FZR1: variants seen among roughly 807,000 people sequenced by gnomAD.
FZR1 encodes fizzy-related protein homolog.
A neutral mutation model predicts 63.6 loss-of-function variants in FZR1; 11 were observed. The ratio of observed to expected loss-of-function variants is 0.17; its 90% CI spans 0.11 to 0.29. The LOEUF is 0.29. Ranked by LOEUF, FZR1 falls within the 10% of genes least tolerant of loss-of-function variation. The probability of loss-of-function intolerance (pLI) is 1.00; values close to 1 mark genes in which losing one functional copy is unlikely to be tolerated. For missense variants in FZR1, 440 were observed against 687.5 expected (o/e 0.64, Z 4.03); for synonymous variants, 328 against 297.9 (o/e 1.10, Z -1.04).
Position 3,526,071 on chromosome 19 carries a change from G to C in FZR1, c.196-49G>C, listed in dbSNP as rs561366315. The stretch of plus-strand genomic sequence containing the variant: ...TCCCAGCCTCCTTGCTCTAGGGCCG[G>C]GAACAAGCGGGCTCCTCGACCCCTC... On this transcript the variant is annotated intron_variant, in intron 3 of 13. Transcript: ENST00000441788. This position sits in a 1 kb window ranked among gnomAD's most constrained non-coding sequence, Gnocchi z 5.4. 1 of 1,611,608 alleles carries C rather than the reference G, an allele frequency of 6.2e-7. No individual in the cohort carries two copies. Among genetic ancestry groups the C allele is most frequent in the East Asian group, 2.2e-5 (1 of 44,858 alleles).
In FZR1 at chr19:3,516,488, G is replaced by C. The variant is rs1426136338; in HGVS notation, c.-34-6468G>C. The stretch of plus-strand genomic sequence containing the variant: ...ATGCCTCTTATGGCTCCTGGATTTT[G>C]TTCTTCCTGCAGCGCAGCTGAGCGA... On this transcript the variant is annotated intron_variant, in intron 1 of 13. Coordinates refer to ENST00000441788, the MANE Select transcript of FZR1 (RefSeq NM_016263.4). The surrounding 1 kb of genome is among the most constrained non-coding windows in gnomAD (Gnocchi z 6.0). Among the ~76,000 whole-genome samples, 2 of 152,230 alleles carry C rather than the reference G, an allele frequency of 1.3e-5. No homozygotes were observed. The highest frequency in any genetic ancestry group is 4.8e-5 in the African/African-American group (2 of 41,460).
Position 3,527,777 on chromosome 19 carries a change from G to C in FZR1, c.617G>C (p.Gly206Ala). The C allele has an allele frequency of 1.2e-6, 2 of 1,612,810 alleles. No individual in the cohort carries two copies. The highest frequency in any genetic ancestry group is 1.7e-6 in the Non-Finnish European group (2 of 1,179,804). ...SSLNVLSVGL[G>A]TCVYLWSACT... is the part of the protein sequence containing the mutation. Reference sequence around the variant, plus strand: ...CTCAATGTGCTCAGCGTGGGGCTAGGCACCTGCGTGTACCTGTGGAGTGCC... The same window carrying C: ...CTCAATGTGCTCAGCGTGGGGCTAGCCACCTGCGTGTACCTGTGGAGTGCC... The change falls in exon 7 of 14, where the codon GGC (glycine) becomes GCC (alanine). Residue 206 changes from glycine to alanine, a missense_variant. By Grantham distance (60) the Gly-to-Ala change is moderately conservative. Coordinates refer to ENST00000441788, the MANE Select transcript of FZR1 (RefSeq NM_016263.4).
At chr19:3,530,683 GGAGAGTGGAT>G (rs1270330006) in intron 7 of FZR1, 99 bp from the exon 8 acceptor site, 9 of 764,224 alleles carry the variant, frequency 1.2e-5, no homozygotes, top group Admixed American at 4.3e-5. Flanking sequence ...AGATTGGATG[GGAGAGTGGAT>G]GAGAGTGGAT....
chr19:3,514,876 G>A lies in FZR1; in HGVS notation c.-34-8080G>A, dbSNP rs544365588. On this transcript the variant is annotated intron_variant, in intron 1 of 13. Transcript: ENST00000441788. The surrounding 1 kb of genome is among the most constrained non-coding windows in gnomAD (Gnocchi z 4.2). Reference sequence around the variant, plus strand: ...TTCCCAGGGGAACAGGAAGAAGCTCGAGACTGAAGGCTTGCCCGGGGCAGT... The same window carrying A: ...TTCCCAGGGGAACAGGAAGAAGCTCAAGACTGAAGGCTTGCCCGGGGCAGT... 2.9e-4 allele frequency among the ~76,000 whole-genome samples: 44 copies of A among 152,310 alleles called. No individual in the cohort carries two copies. Among genetic ancestry groups the A allele is most frequent in the African/African-American group, 1.0e-3 (42 of 41,552 alleles).
intron 1 of FZR1, among the ~76,000 whole-genome samples, chr19:3,519,090 G>A (rs755977154): frequency 7.9e-5 from 12 of 152,218 alleles, no homozygotes; most frequent in Non-Finnish European, 1.5e-4. Context: ...GGGCCGTGGG[G>A]GCACAGAGAG....
Position 3,535,028 on chromosome 19 carries a change from G to T in FZR1, c.*192G>T. 1.7e-6 allele frequency: 1 copy of T among 605,736 alleles called. No individual in the cohort carries two copies. Among genetic ancestry groups the T allele is most frequent in the Non-Finnish European group, 3.0e-6 (1 of 338,634 alleles). 37.5% of individuals were successfully genotyped at this position (605,736 alleles called of 1,614,324 possible). A position where few individuals can be genotyped will look rare whatever the true frequency, so the allele number is the denominator to read the frequency against. On this transcript the variant is annotated 3_prime_UTR_variant, in exon 14 of 14. Transcript: ENST00000441788. ...TGAACCATGTCCACCAGTATCTGGGGTGGGCACGTGGTCGGGGACCCTCAG... is the reference window on the plus strand; with the variant it reads ...TGAACCATGTCCACCAGTATCTGGGTTGGGCACGTGGTCGGGGACCCTCAG...
At position 3,538,112 on chromosome 19, in the gene FZR1, G is replaced by A. The variant is rs532967077; in HGVS notation, c.*3276G>A. ...CCTACGCCGAGGGAGTGGAGCTCCT[G>A]GGTGCGTGTCCAGATGGGAAAGGCA... is the stretch of plus-strand genomic sequence containing the variant. On this transcript the variant is annotated 3_prime_UTR_variant, in exon 14 of 14. Transcript: ENST00000441788. 1.3e-5 allele frequency: 2 copies of A among 155,052 alleles called. No homozygotes were observed. Among genetic ancestry groups the A allele is most frequent in the East Asian group, 3.9e-4 (2 of 5,186 alleles). 9.6% of individuals were successfully genotyped at this position (155,052 alleles called of 1,614,324 possible).
intron 2 of FZR1, among the ~76,000 whole-genome samples, chr19:3,523,976 AG>A (rs2083128078): frequency 6.6e-6 from 1 of 152,224 alleles, no homozygotes; most frequent in Admixed American, 6.5e-5. Flanking sequence ...AGAGCCAGGG[AG>A]GCAGATCCAG....
intron 1 of FZR1, among the ~76,000 whole-genome samples, chr19:3,517,130 C>T (rs2083064150): frequency 6.6e-6 from 1 of 152,256 alleles, no homozygotes; most frequent in African/African-American, 2.4e-5. Context: ...TGGCTCACAC[C>T]TGTAACCCCA....
chr19:3,508,200 C>CTTTTTTTTTTT (rs71166908), intron 1 of FZR1, among the ~76,000 whole-genome samples: 4 of 91,114 alleles, frequency 4.4e-5, no homozygotes, highest in Non-Finnish European at 6.1e-5. Context: ...CATTGATTTT[C>CTTTTTTTTTTT]TTTTTTTTTT....
rs2083283123 is a variant in FZR1 at position 3,535,063 on chromosome 19, C to T, written c.*227C>T. 3.4e-6 allele frequency: 2 copies of T among 583,610 alleles called. No individual in the cohort carries two copies. The highest frequency in any genetic ancestry group is 2.0e-5 in the South Asian group (1 of 50,144). The allele number at this position is 583,610 out of a possible 1,614,324, so 36.2% of individuals were successfully genotyped here. ...GGTCGGGGACCCTCAGCAGCAGGGG[C>T]TCTGTCTCCCTTCCCAAAGGGCGAG... is the stretch of plus-strand genomic sequence containing the variant. On this transcript the variant is annotated 3_prime_UTR_variant, in exon 14 of 14. Transcript: ENST00000441788.
Position 3,537,315 on chromosome 19 carries a change from C to G in FZR1, c.*2479C>G, listed in dbSNP as rs542240011. The stretch of plus-strand genomic sequence containing the variant: ...AGGTGCCTCTGCTGTCAGCTCCACC[C>G]GACAGGCAGACGAAGGCCAGTGGGG... On this transcript the variant is annotated 3_prime_UTR_variant, in exon 14 of 14. Transcript: ENST00000441788. 1 of 152,246 alleles carries G rather than the reference C, an allele frequency of 6.6e-6. No individual in the cohort carries two copies. Among genetic ancestry groups the G allele is most frequent in the Non-Finnish European group, 1.5e-5 (1 of 68,104 alleles). 9.4% of individuals were successfully genotyped at this position (152,246 alleles called of 1,614,324 possible). A position where few individuals can be genotyped will look rare whatever the true frequency, so the allele number is the denominator to read the frequency against.
At chr19:3,508,670 G>A (rs567617925) in intron 1 of FZR1, among the ~76,000 whole-genome samples, 3 of 152,274 alleles carry the variant, frequency 2.0e-5, no homozygotes, top group African/African-American at 4.8e-5. Flanking sequence ...GGCCGCTCCC[G>A]GGGACTCCAG....
At chr19:3,512,611 G>T (rs191753560) in intron 1 of FZR1, among the ~76,000 whole-genome samples, 1 of 152,226 alleles carries the variant, frequency 6.6e-6, no homozygotes. Context: ...TGGGTGCTTC[G>T]CCCGCCTTGG....
intron 1 of FZR1, among the ~76,000 whole-genome samples, chr19:3,509,980 G>A (rs531905382): frequency 6.6e-6 from 1 of 152,126 alleles, no homozygotes; most frequent in African/African-American, 2.4e-5. Context: ...GCCTCCACTC[G>A]CCGGCTGATC....
rs112071305 is a variant in FZR1, at chr19:3,525,732, G to A, written c.70-136G>A. 9,237 of 1,056,124 alleles carry A rather than the reference G, an allele frequency of 8.7e-3. 444 individuals carry two copies. The African/African-American group carries it at 0.12, about 14-fold the overall frequency. 65.4% of individuals were successfully genotyped at this position (1,056,124 alleles called of 1,614,324 possible). A position where few individuals can be genotyped will look rare whatever the true frequency, so the allele number is the denominator to read the frequency against. On this transcript the variant is annotated intron_variant, in intron 2 of 13. Transcript: ENST00000441788. The surrounding 1 kb of genome is among the most constrained non-coding windows in gnomAD (Gnocchi z 4.2). ...GCTGGGATTACGGGCGTGAGCCACCGCGCCTGGCCCACCCCTTGGGTTTTC... is the reference window on the plus strand; with the variant it reads ...GCTGGGATTACGGGCGTGAGCCACCACGCCTGGCCCACCCCTTGGGTTTTC...
At chr19:3,510,412 G>A (rs1445615973) in intron 1 of FZR1, among the ~76,000 whole-genome samples, 14 of 152,226 alleles carry the variant, frequency 9.2e-5, no homozygotes, top group Admixed American at 9.2e-4. Flanking sequence ...TGGGATTACT[G>A]GCGGAGCCAG....
Position 3,530,475 on chromosome 19 carries a change from GGA to G in FZR1, c.655-313_655-312del, listed in dbSNP as rs200953287. ...GGGAGAGCGCATGGATGAGCGCATG[GGA>G]GAGCGCATGGGTGAGCGGATGCAAG... On this transcript the variant is annotated intron_variant, in intron 7 of 13. Coordinates refer to ENST00000441788, the MANE Select transcript of FZR1 (RefSeq NM_016263.4). 3.5e-3 allele frequency among the ~76,000 whole-genome samples: 370 copies of G among 104,830 alleles called. 14 individuals carry two copies. Among genetic ancestry groups the G allele is most frequent in the Middle Eastern group, 6.3e-3 (1 of 160 alleles). 68.8% of individuals were successfully genotyped at this position (104,830 alleles called of 152,430 possible). A position where few individuals can be genotyped will look rare whatever the true frequency, so the allele number is the denominator to read the frequency against.
rs925537517 is a variant in FZR1, at chr19:3,530,887, G to A, written c.720+30G>A. ...GTGCAGAGGGCTTGGCCCCCACCTG[G>A]GAGATCTGATGGGGCTCTTGACAGT... On this transcript the variant is annotated intron_variant, in intron 8 of 13. Coordinates refer to ENST00000441788, the MANE Select transcript of FZR1 (RefSeq NM_016263.4). 6 of 1,568,472 alleles carry A rather than the reference G, an allele frequency of 3.8e-6. No individual in the cohort carries two copies. The African/African-American group carries it at 6.8e-5, about 18-fold the overall frequency.
Sources: allele counts gnomAD v4.1 joint callset (sites outside exome capture counted in the v4.1 genomes callset), GRCh38; gene constraint gnomAD v4.1.1; non-coding constraint Gnocchi (gnomAD v3.1); transcripts MANE v1.5; gene names NCBI Gene and HGNC (gene_info 2026-07-23, HGNC 2026-07-21).